Variants in DOCK3 observed in about 807,000 individuals in gnomAD.
DOCK3 encodes the protein dedicator of cytokinesis 3, also known as dedicator of cytokinesis protein 3.
Under a neutral mutation model 265.6 loss-of-function variants are expected in DOCK3, and 60 were observed. The ratio of observed to expected loss-of-function variants is 0.23; its 90% CI spans 0.18 to 0.28. The LOEUF (loss-of-function observed/expected upper bound fraction) is 0.28, where lower values mean the gene tolerates loss of function less well. Ranked by LOEUF, DOCK3 falls within the 10% of genes least tolerant of loss-of-function variation. The pLI, the probability that DOCK3 is intolerant of heterozygous loss-of-function variation, is 1.00. For synonymous variants in DOCK3, 881 were observed against 938.0 expected (o/e 0.94, Z 1.11); for missense variants, 1,981 against 2,594.3 (o/e 0.76, Z 5.14).
chr3:51,338,835 C>T, intron 36 of DOCK3, 100 bp from the exon 37 acceptor site: 1 of 985,710 alleles, frequency 1.0e-6, no homozygotes, highest in Non-Finnish European at 1.6e-6. Context: ...GGCCTGCCCT[C>T]CCCCTCCTGC....
At chr3:50,911,507 G>T (rs1575510961) in intron 4 of DOCK3, among the ~76,000 whole-genome samples, 1 of 151,980 alleles carries the variant, frequency 6.6e-6, no homozygotes, top group African/African-American at 2.4e-5. Flanking sequence ...CTGTTTCATT[G>T]CTCTATGTAT....
At chr3:50,681,198 G>A (rs536813304) in intron 1 of DOCK3, among the ~76,000 whole-genome samples, 11 of 152,300 alleles carry the variant, frequency 7.2e-5, no homozygotes, top group African/African-American at 2.2e-4. Context: ...GAAACATTAA[G>A]CTAAATTGTA....
At chr3:51,167,342 C>T (rs2086459874) in intron 12 of DOCK3, among the ~76,000 whole-genome samples, 1 of 152,164 alleles carries the variant, frequency 6.6e-6, no homozygotes, top group South Asian at 2.1e-4. Flanking sequence ...ATTTTGATTA[C>T]TGTAACTTTA....
chr3:50,729,058 T>C (rs572292503), intron 1 of DOCK3, among the ~76,000 whole-genome samples: 6 of 137,126 alleles, frequency 4.4e-5, no homozygotes, highest in African/African-American at 7.8e-5. Flanking sequence ...CGGTGGCTCA[T>C]ACCTGTAATC....
intron 3 of DOCK3, among the ~76,000 whole-genome samples, chr3:50,861,089 G>A (rs907317702): frequency 3.3e-5 from 5 of 152,164 alleles, no homozygotes; most frequent in African/African-American, 1.2e-4. Context: ...ACATCTGTGG[G>A]AGAAGCATGG....
At chr3:51,012,790 G>A (rs74864468) in intron 5 of DOCK3, among the ~76,000 whole-genome samples, 12 of 151,984 alleles carry the variant, frequency 7.9e-5, no homozygotes, top group Non-Finnish European at 1.5e-4. Flanking sequence ...TCTTTGAATC[G>A]CCCAGATTTG....
At chr3:50,828,164 A>G (rs1370756179) in intron 2 of DOCK3, among the ~76,000 whole-genome samples, 1 of 151,922 alleles carries the variant, frequency 6.6e-6, no homozygotes, top group African/African-American at 2.4e-5. Context: ...CCGGACCTCA[A>G]TTGATCCACC....
At chr3:51,310,083 C>T (rs2082975570) in intron 27 of DOCK3, 149 bp from the exon 28 acceptor site, 2 of 679,906 alleles carry the variant, frequency 2.9e-6, no homozygotes, top group Non-Finnish European at 5.3e-6. Context: ...CTCATGTAGC[C>T]CTCTAAGAGA....
Position 50,939,057 on chromosome 3 carries a change from A to G in DOCK3, c.315+4980A>G, listed in dbSNP as rs1188410231. Among the ~76,000 whole-genome samples the G allele has an allele frequency of 3.9e-5, 6 of 152,052 alleles. No homozygotes were observed. The East Asian group carries it at 1.2e-3, about 29-fold the overall frequency. On this transcript the variant is annotated intron_variant, in intron 5 of 52. Coordinates refer to ENST00000266037, the MANE Select transcript of DOCK3 (RefSeq NM_004947.5). ...ACACCTACCAAAACTGAAAAAGAAA[A>G]TGAGGGAAAATACTAATTACCAATT...
rs549902790 is a variant in DOCK3, at chr3:50,678,205, C to T, written c.37+2905C>T. Reference sequence around the variant, plus strand: ...GTAAGGTACTGTTCTTTACTGTACCCGTTCGCCCGTGTTTTGACTTCTTAT... The same window carrying T: ...GTAAGGTACTGTTCTTTACTGTACCTGTTCGCCCGTGTTTTGACTTCTTAT... On this transcript the variant is annotated intron_variant, in intron 1 of 52. Transcript: ENST00000266037. Among the ~76,000 whole-genome samples, 5 of 152,124 alleles carry T rather than the reference C, an allele frequency of 3.3e-5. No homozygotes were observed. The East Asian group carries it at 7.7e-4, about 23-fold the overall frequency.
At chr3:51,124,453 C>G (rs1453808425) in intron 9 of DOCK3, among the ~76,000 whole-genome samples, 2 of 152,024 alleles carry the variant, frequency 1.3e-5, no homozygotes, top group African/African-American at 4.8e-5. Flanking sequence ...TAGTGGCTAC[C>G]TGTTGGTTAG....
chr3:51,250,880 GTTA>G (rs1378105280), intron 22 of DOCK3, among the ~76,000 whole-genome samples: 1 of 152,048 alleles, frequency 6.6e-6, no homozygotes, highest in East Asian at 1.9e-4. Context: ...TTTTATTATT[GTTA>G]TTATACTTAA....
chr3:51,315,742 A>G (rs909768219), intron 32 of DOCK3, among the ~76,000 whole-genome samples: 3 of 152,140 alleles, frequency 2.0e-5, no homozygotes, highest in Non-Finnish European at 1.5e-5. Flanking sequence ...CAAATAAATA[A>G]CTTGCTAACA....
intron 4 of DOCK3, among the ~76,000 whole-genome samples, chr3:50,924,890 G>A (rs1038004157): frequency 3.3e-5 from 5 of 152,166 alleles, no homozygotes; most frequent in African/African-American, 1.2e-4. Flanking sequence ...TAAGGAAAAT[G>A]GGCTTCTCTT....
intron 5 of DOCK3, among the ~76,000 whole-genome samples, chr3:51,026,238 TG>T (rs763236016): frequency 2.0e-4 from 30 of 152,286 alleles, no homozygotes; most frequent in South Asian, 1.2e-3. Flanking sequence ...GATGGTCATA[TG>T]TTTTTTTTTG....
At chr3:50,759,114 A>G (rs2108371621) in intron 1 of DOCK3, among the ~76,000 whole-genome samples, 1 of 152,360 alleles carries the variant, frequency 6.6e-6, no homozygotes, top group Admixed American at 6.5e-5. Context: ...TTGGATATAT[A>G]CGCAGAAGTG....
chr3:50,819,375 A>G (rs1288010426), intron 2 of DOCK3, among the ~76,000 whole-genome samples: 2 of 152,172 alleles, frequency 1.3e-5, no homozygotes, highest in South Asian at 4.1e-4. Context: ...GAGAGTATAA[A>G]TCTGATTTTT....
At chr3:51,227,137 A>C in intron 15 of DOCK3, 146 bp from the exon 16 acceptor site, 1 of 839,226 alleles carries the variant, frequency 1.2e-6, no homozygotes, top group Admixed American at 2.5e-5. Flanking sequence ...CATTGAATTT[A>C]AATCAAATGC....
In DOCK3 at chr3:51,120,905, G is replaced by A. The variant is rs112379410; in HGVS notation, c.747-25644G>A. Among the ~76,000 whole-genome samples the A allele has an allele frequency of 7.9e-4, 121 of 152,272 alleles. 2 individuals carry two copies. The highest frequency in any genetic ancestry group is 1.8e-3 in the African/African-American group (76 of 41,552). On this transcript the variant is annotated intron_variant, in intron 9 of 52. Transcript: ENST00000266037. ...AGTTGATCTTAGCTTGCTTGTCCCCGTGAGGGTGGGATCCGCTGAGCAAGA... is the reference window on the plus strand; with the variant it reads ...AGTTGATCTTAGCTTGCTTGTCCCCATGAGGGTGGGATCCGCTGAGCAAGA...
Sources: allele counts gnomAD v4.1 joint callset (sites outside exome capture counted in the v4.1 genomes callset), GRCh38; gene constraint gnomAD v4.1.1; transcripts MANE v1.5; gene names NCBI Gene and HGNC (gene_info 2026-07-23, HGNC 2026-07-21).